Variants in FCMR observed in about 807,000 individuals in gnomAD.
FCMR encodes the protein Fc mu receptor, also known as immunoglobulin mu Fc receptor.
Under a neutral mutation model 41.6 loss-of-function variants are expected in FCMR, and 34 were observed. The observed-to-expected ratio is 0.82, with a 90% CI of 0.62 to 1.09. The LOEUF (loss-of-function observed/expected upper bound fraction) is 1.09. FCMR is among the 50% of genes least tolerant of loss of function. The pLI, the probability that FCMR is intolerant of heterozygous loss-of-function variation, is 0.00. For synonymous variants in FCMR, 209 were observed against 211.8 expected (o/e 0.99, Z 0.12); for missense variants, 496 against 512.5 (o/e 0.97, Z 0.31).
At chr1:206,913,535 A>C (rs1257639325) in intron 2 of FCMR, 11 of 588,904 alleles carry the variant, frequency 1.9e-5, no homozygotes, top group Non-Finnish European at 3.3e-5. Context: ...TGAACAATAC[A>C]AAGAGAGCAC....
At chr1:206,911,553 A>G (rs1678939254) in intron 4 of FCMR, among the ~76,000 whole-genome samples, 177 bp downstream of exon 4, 1 of 152,218 alleles carries the variant, frequency 6.6e-6, no homozygotes, top group Non-Finnish European at 1.5e-5. Context: ...TGGGGCATTG[A>G]CAAGTGTGTT....
Position 206,909,807 on chromosome 1 carries a change from C to T in FCMR, c.903G>A (p.Arg301=), listed in dbSNP as rs1173482236. The change falls in exon 6 of 8, where the codon AGG becomes AGA. Residue 301 remains arginine, a synonymous_variant. Transcript: ENST00000367091. This position sits in a 1 kb window ranked among gnomAD's most constrained non-coding sequence, Gnocchi z 5.0. The part of the protein sequence containing the change: ...VRMRALESSQ[R]PRGSPRPRSQ... ...AGCGCGGTCGCGGCGACCCGCGGGG[C>T]CTCTGGGAGCTCTCCAGGGCGCGCA... 2 of 1,426,932 alleles carry T rather than the reference C, an allele frequency of 1.4e-6. No individual in the cohort carries two copies. Among genetic ancestry groups the T allele is most frequent in the East Asian group, 3.0e-5 (1 of 33,372 alleles). The allele number at this position is 1,426,932 out of a possible 1,614,324, so 88.4% of individuals were successfully genotyped here.
rs559575559 is a variant in FCMR at position 206,909,808 on chromosome 1, C to A, written c.902G>T (p.Arg301Met). Residue 301 changes from arginine to methionine, a missense_variant, in exon 6 of 8, where the codon AGG becomes ATG. Arg to Met is a moderately conservative substitution (Grantham distance 91, BLOSUM62 -1). Coordinates refer to ENST00000367091, the MANE Select transcript of FCMR (RefSeq NM_005449.5). The surrounding 1 kb of genome is among the most constrained non-coding windows in gnomAD (Gnocchi z 5.0). Reference sequence around the variant, plus strand: ...GCGCGGTCGCGGCGACCCGCGGGGCCTCTGGGAGCTCTCCAGGGCGCGCAT... The same window carrying A: ...GCGCGGTCGCGGCGACCCGCGGGGCATCTGGGAGCTCTCCAGGGCGCGCAT... ...VRMRALESSQRPRGSPRPRSQ... is the reference protein window; with the variant it reads ...VRMRALESSQMPRGSPRPRSQ... The A allele has an allele frequency of 7.9e-5, 113 of 1,425,840 alleles. 1 individual carries two copies. Among genetic ancestry groups the A allele is most frequent in the Admixed American group, 6.0e-4 (18 of 29,928 alleles). The allele number at this position is 1,425,840 out of a possible 1,614,324, so 88.3% of individuals were successfully genotyped here.
Position 206,909,832 on chromosome 1 carries a change from A to G in FCMR, c.878T>C (p.Met293Thr). 7.1e-7 allele frequency: 1 copy of G among 1,400,268 alleles called. No individual in the cohort carries two copies. Among genetic ancestry groups the G allele is most frequent in the Non-Finnish European group, 9.2e-7 (1 of 1,082,086 alleles). The allele number at this position is 1,400,268 out of a possible 1,614,324, so 86.7% of individuals were successfully genotyped here. The change falls in exon 6 of 8, where the codon ATG becomes ACG. Residue 293 changes from methionine to threonine, a missense_variant. Met to Thr is a moderately conservative substitution (Grantham distance 81). Coordinates refer to ENST00000367091, the MANE Select transcript of FCMR (RefSeq NM_005449.5). This position sits in a 1 kb window ranked among gnomAD's most constrained non-coding sequence, Gnocchi z 5.0. Reference sequence around the variant, plus strand: ...CCTCTGGGAGCTCTCCAGGGCGCGCATCCTCACGGCCAGTCGGCGGGCCCG... The same window carrying G: ...CCTCTGGGAGCTCTCCAGGGCGCGCGTCCTCACGGCCAGTCGGCGGGCCCG... ...SRRARRLAVR[M>T]RALESSQRPR... is the part of the protein sequence containing the mutation.
In FCMR at chr1:206,921,916, G is replaced by T; in HGVS notation, c.-62C>A. 6.9e-7 allele frequency: 1 copy of T among 1,454,526 alleles called. No individual in the cohort carries two copies. Among genetic ancestry groups the T allele is most frequent in the Non-Finnish European group, 9.7e-7 (1 of 1,035,304 alleles). The allele number at this position is 1,454,526 out of a possible 1,614,324, so 90.1% of individuals were successfully genotyped here. ...CTAGAGAGGGGGATGGAGACACGCT[G>T]CTTACTCAGGAACCCTTCACAATCT... On this transcript the variant is annotated 5_prime_UTR_variant, in exon 1 of 8. Coordinates refer to ENST00000367091, the MANE Select transcript of FCMR (RefSeq NM_005449.5).
intron 7 of FCMR, chr1:206,906,340 G>T: frequency 4.6e-6 from 1 of 215,612 alleles, no homozygotes; most frequent in East Asian, 1.2e-4. Context: ...ACTGAGGACG[G>T]GAAGAAGATG....
chr1:206,912,601 G>A (rs971601301), intron 3 of FCMR, among the ~76,000 whole-genome samples: 1 of 152,230 alleles, frequency 6.6e-6, no homozygotes, highest in Non-Finnish European at 1.5e-5. Flanking sequence ...GCTGGGAAAT[G>A]TCTGCCCAGT....
upstream of FCMR, chr1:206,921,988 G>C: frequency 1.3e-6 from 1 of 774,778 alleles, no homozygotes; most frequent in South Asian, 1.6e-5. Flanking sequence ...AAAGCTTGAC[G>C]ATGAGGAAAT....
rs12074261 is a variant in FCMR at position 206,921,703 on chromosome 1, G to C, written c.37+115C>G. 22,551 of 1,008,486 alleles carry C rather than the reference G, an allele frequency of 0.022. 3,108 individuals carry two copies. The African/African-American group carries it at 0.31, about 14-fold the overall frequency. 62.5% of individuals were successfully genotyped at this position (1,008,486 alleles called of 1,614,324 possible). A position where few individuals can be genotyped will look rare whatever the true frequency, so the allele number is the denominator to read the frequency against. On this transcript the variant is annotated intron_variant, in intron 1 of 7. Coordinates refer to ENST00000367091, the MANE Select transcript of FCMR (RefSeq NM_005449.5). Reference sequence around the variant, plus strand: ...CATTCTTGTCCTGCCCTAGGTGTTGGTTCACAACTGAATCCATCCAGAAAC... The same window carrying C: ...CATTCTTGTCCTGCCCTAGGTGTTGCTTCACAACTGAATCCATCCAGAAAC...
rs1186285174 is a variant in FCMR at position 206,921,887 on chromosome 1, G to A, written c.-33C>T. ...TCTAGAGTGCAAGGTCCATCCAAGAGCCCCTAGAGAGGGGGATGGAGACAC... is the reference window on the plus strand; with the variant it reads ...TCTAGAGTGCAAGGTCCATCCAAGAACCCCTAGAGAGGGGGATGGAGACAC... On this transcript the variant is annotated 5_prime_UTR_variant, in exon 1 of 8. Transcript: ENST00000367091. 9 of 1,610,104 alleles carry A rather than the reference G, an allele frequency of 5.6e-6. No homozygotes were observed. Among genetic ancestry groups the A allele is most frequent in the Middle Eastern group, 1.7e-4 (1 of 6,058 alleles).
intron 7 of FCMR, chr1:206,907,823 G>C: frequency 7.1e-7 from 1 of 1,401,074 alleles, no homozygotes; most frequent in Non-Finnish European, 1.0e-6. Flanking sequence ...CCCTTCCCGA[G>C]GTCCCTACCA....
At chr1:206,908,071 G>T in intron 7 of FCMR, 1 of 1,148,438 alleles carries the variant, frequency 8.7e-7, no homozygotes, top group Non-Finnish European at 1.3e-6. Flanking sequence ...GTACCAGGCA[G>T]TGATAACCAC....
chr1:206,910,364 G>A (rs1451000741), intron 4 of FCMR, 24 bp from the exon 5 acceptor site: 3 of 1,503,020 alleles, frequency 2.0e-6, no homozygotes, highest in Admixed American at 4.6e-5. Flanking sequence ...GAAAGGGAGA[G>A]AGGGAGGAAG....
intron 7 of FCMR, chr1:206,908,200 G>A: frequency 6.8e-7 from 1 of 1,463,530 alleles, no homozygotes. Context: ...ATACACAGAG[G>A]TCCTCAAGAC....
intron 1 of FCMR, chr1:206,921,280 A>G: frequency 3.4e-6 from 1 of 293,120 alleles, no homozygotes. Context: ...TAATATGTTT[A>G]GGAGAGATGA....
intron 7 of FCMR, among the ~76,000 whole-genome samples, chr1:206,905,518 G>A (rs1419512232): frequency 2.6e-5 from 4 of 152,164 alleles, no homozygotes; most frequent in Non-Finnish European, 4.4e-5. Context: ...AGTAGAGTGA[G>A]TCACCCTCAG....
At chr1:206,919,692 G>A (rs1437309234) in intron 1 of FCMR, among the ~76,000 whole-genome samples, 2 of 152,170 alleles carry the variant, frequency 1.3e-5, no homozygotes, top group Non-Finnish European at 2.9e-5. Flanking sequence ...GGAGAAGGGT[G>A]GAGCCCATAG....
intron 1 of FCMR, among the ~76,000 whole-genome samples, chr1:206,915,391 C>T (rs534627237): frequency 1.3e-4 from 20 of 152,150 alleles, no homozygotes; most frequent in African/African-American, 4.8e-4. Flanking sequence ...GAGAGCGTGA[C>T]GATGCTCATC....
rs1456425286 is a variant in FCMR, at chr1:206,904,628, C to T, written c.*391G>A. On this transcript the variant is annotated 3_prime_UTR_variant, in exon 8 of 8. Coordinates refer to ENST00000367091, the MANE Select transcript of FCMR (RefSeq NM_005449.5). ...TAAGACCCAACCCTGGGAAGGATGCCCGAGACAATAGCTATGCCTCTGCCC... is the reference window on the plus strand; with the variant it reads ...TAAGACCCAACCCTGGGAAGGATGCTCGAGACAATAGCTATGCCTCTGCCC... The T allele has an allele frequency of 3.1e-5, 7 of 227,004 alleles. No individual in the cohort carries two copies. Among genetic ancestry groups the T allele is most frequent in the Non-Finnish European group, 6.2e-5 (7 of 112,258 alleles). The allele number at this position is 227,004 out of a possible 1,614,324, so 14.1% of individuals were successfully genotyped here.
Sources: allele counts gnomAD v4.1 joint callset (sites outside exome capture counted in the v4.1 genomes callset), GRCh38; gene constraint gnomAD v4.1.1; non-coding constraint Gnocchi (gnomAD v3.1); transcripts MANE v1.5; gene names NCBI Gene and HGNC (gene_info 2026-07-23, HGNC 2026-07-21).